The following MACROD1 variants were observed in gnomAD, a reference collection of about 807,000 sequenced individuals.
MACROD1 encodes the protein mono-ADP ribosylhydrolase 1.
In MACROD1, 31 loss-of-function variants were observed where a neutral mutation model predicts 41.4. The ratio of observed to expected loss-of-function variants is 0.75; its 90% CI spans 0.56 to 1.01. MACROD1 has a LOEUF of 1.01. Among genes scored for constraint, MACROD1 ranks in the 50% least tolerant of loss-of-function variants. The pLI is 0.00. For synonymous variants in MACROD1, 252 were observed against 203.4 expected, an observed-to-expected ratio of 1.24 and a Z score of -2.03; for missense variants, 473 against 460.0, an observed-to-expected ratio of 1.03 and a Z score of -0.26.
At chr11:64,063,872 C>G (rs1431269938) in intron 3 of MACROD1, among the ~76,000 whole-genome samples, 1 of 152,238 alleles carries the variant, frequency 6.6e-6, no homozygotes, top group Non-Finnish European at 1.5e-5. Flanking sequence ...TTCTCCCCAG[C>G]CCCAGAGAGG....
Position 64,137,340 on chromosome 11 carries a change from G to A in MACROD1, c.517+13899C>T, listed in dbSNP as rs191210978. 5.3e-4 allele frequency among the ~76,000 whole-genome samples: 80 copies of A among 152,282 alleles called. No homozygotes were observed. The East Asian group carries it at 0.014, about 26-fold the overall frequency. ...GGGCGAGCACTTTGGGATGGGCTCTGGAGCAAGGGATAAACCATCCTTGGG... is the reference window on the plus strand; with the variant it reads ...GGGCGAGCACTTTGGGATGGGCTCTAGAGCAAGGGATAAACCATCCTTGGG... On this transcript the variant is annotated intron_variant, in intron 3 of 10. Coordinates refer to ENST00000255681, the MANE Select transcript of MACROD1 (RefSeq NM_014067.4).
At chr11:64,152,235 C>T in intron 2 of MACROD1, 57 bp downstream of exon 2, 2 of 1,492,584 alleles carry the variant, frequency 1.3e-6, no homozygotes, top group Non-Finnish European at 1.9e-6. Context: ...CTGCACAATT[C>T]TCCCAAGCCA....
chr11:64,045,865 T>C (rs1193730096), intron 3 of MACROD1, among the ~76,000 whole-genome samples: 11 of 152,310 alleles, frequency 7.2e-5, no homozygotes, highest in African/African-American at 2.6e-4. Flanking sequence ...GGCAGGAGGA[T>C]GGCTTGAGGC....
chr11:64,164,904 G>A (rs1248991715), intron 1 of MACROD1, among the ~76,000 whole-genome samples: 1 of 150,542 alleles, frequency 6.6e-6, no homozygotes, highest in Non-Finnish European at 1.5e-5. Flanking sequence ...GCGGCAGCTT[G>A]GGTTCTCTCT....
intron 3 of MACROD1, among the ~76,000 whole-genome samples, chr11:64,085,865 A>G (rs1010747067): frequency 4.6e-5 from 7 of 152,212 alleles, no homozygotes; most frequent in African/African-American, 1.7e-4. Flanking sequence ...TGATGCAGAT[A>G]AAGTCCTGGG....
rs1423792786 is a variant in MACROD1 at position 64,146,526 on chromosome 11, C to T, written c.517+4713G>A. Among the ~76,000 whole-genome samples, 1 of 152,168 alleles carries T rather than the reference C, an allele frequency of 6.6e-6. No individual in the cohort carries two copies. Among genetic ancestry groups the T allele is most frequent in the Non-Finnish European group, 1.5e-5 (1 of 68,036 alleles). On this transcript the variant is annotated intron_variant, in intron 3 of 10. Coordinates refer to ENST00000255681, the MANE Select transcript of MACROD1 (RefSeq NM_014067.4). The surrounding 1 kb of genome is among the most constrained non-coding windows in gnomAD (Gnocchi z 4.7). ...CCAAGCAAGTGGCCTCAGCTGGCAG[C>T]CCACGGGGACAGGGCCCAGGGAGGC...
Position 64,064,665 on chromosome 11 carries a change from T to C in MACROD1, c.518-49384A>G, listed in dbSNP as rs1414745778. The stretch of plus-strand genomic sequence containing the variant: ...CAGAGTAGGGGCCTCTGGCAGGACA[T>C]TAAACGGCACCGAGATAGAAGGAGG... On this transcript the variant is annotated intron_variant, in intron 3 of 10. Transcript: ENST00000255681. The surrounding 1 kb of genome is among the most constrained non-coding windows in gnomAD (Gnocchi z 4.5). Among the ~76,000 whole-genome samples, 1 of 142,134 alleles carries C rather than the reference T, an allele frequency of 7.0e-6. No individual in the cohort carries two copies. The highest frequency in any genetic ancestry group is 1.5e-5 in the Non-Finnish European group (1 of 66,148). 93.2% of individuals were successfully genotyped at this position (142,134 alleles called of 152,430 possible).
chr11:64,150,531 C>T (rs564252185), intron 3 of MACROD1, among the ~76,000 whole-genome samples: 1 of 152,152 alleles, frequency 6.6e-6, no homozygotes, highest in African/African-American at 2.4e-5. Flanking sequence ...AGCAGGCGGG[C>T]GAGGGCCGGG....
At chr11:64,027,822 C>T (rs1027978945) in intron 3 of MACROD1, among the ~76,000 whole-genome samples, 1 of 152,228 alleles carries the variant, frequency 6.6e-6, no homozygotes, top group Admixed American at 6.5e-5. Flanking sequence ...TCCCCTCCCC[C>T]ACCACGGATT....
At chr11:64,149,618 C>T (rs1458165665) in intron 3 of MACROD1, among the ~76,000 whole-genome samples, 1 of 152,258 alleles carries the variant, frequency 6.6e-6, no homozygotes, top group African/African-American at 2.4e-5. Flanking sequence ...GAACCACCAA[C>T]CCAAGGGGGA....
intron 3 of MACROD1, among the ~76,000 whole-genome samples, chr11:64,063,114 C>T (rs113543401): frequency 2.6e-5 from 4 of 152,130 alleles, no homozygotes; most frequent in African/African-American, 4.8e-5. Flanking sequence ...GAGAACAACG[C>T]GGGCAGCAGA....
intron 3 of MACROD1, among the ~76,000 whole-genome samples, chr11:64,131,273 G>C (rs1452648522): frequency 6.6e-6 from 1 of 152,200 alleles, no homozygotes; most frequent in African/African-American, 2.4e-5. Flanking sequence ...GACGGGGAGG[G>C]CAGGCTTTAA....
chr11:64,164,613 T>C (rs1213866017), intron 1 of MACROD1, among the ~76,000 whole-genome samples: 3 of 152,264 alleles, frequency 2.0e-5, no homozygotes, highest in African/African-American at 2.4e-5. Flanking sequence ...TTTTAGATCC[T>C]GGCGCAGGCC....
In MACROD1 at chr11:64,028,816, C is replaced by T. The variant is rs538708157; in HGVS notation, c.518-13535G>A. ...GTAAGTGGCTTTGAGTGACTACATC[C>T]AGCCCCAGCTCTGGAGTACAGCTCT... is the stretch of plus-strand genomic sequence containing the variant. On this transcript the variant is annotated intron_variant, in intron 3 of 10. Transcript: ENST00000255681. Among the ~76,000 whole-genome samples the T allele has an allele frequency of 3.3e-3, 500 of 152,290 alleles. 6 individuals are homozygous for T. The highest frequency in any genetic ancestry group is 0.011 in the African/African-American group (472 of 41,550).
chr11:64,160,256 A>G lies in MACROD1; in HGVS notation c.298+5441T>C, dbSNP rs527391512. On this transcript the variant is annotated intron_variant, in intron 1 of 10. Transcript: ENST00000255681. The stretch of plus-strand genomic sequence containing the variant: ...ATGCTCTGAGCAATCCTAAGATTAC[A>G]ATTTGGCTTCCATGAGGCTTTCCCA... Among the ~76,000 whole-genome samples the G allele has an allele frequency of 5.3e-5, 8 of 152,256 alleles. No individual in the cohort carries two copies. The East Asian group carries it at 1.2e-3, about 22-fold the overall frequency.
At chr11:64,124,360 T>A (rs1371355029) in intron 3 of MACROD1, among the ~76,000 whole-genome samples, 2 of 152,196 alleles carry the variant, frequency 1.3e-5, no homozygotes, top group Non-Finnish European at 2.9e-5. Context: ...TGCCACTGTA[T>A]CTATCCATCC....
intron 3 of MACROD1, among the ~76,000 whole-genome samples, chr11:64,128,163 G>C (rs543225093): frequency 6.6e-6 from 1 of 152,210 alleles, no homozygotes; most frequent in African/African-American, 2.4e-5. Flanking sequence ...CAGCCCAAGA[G>C]AGACCACTCT....
chr11:64,151,146 G>A, intron 3 of MACROD1, 93 bp downstream of exon 3: 1 of 1,089,948 alleles, frequency 9.2e-7, no homozygotes, highest in East Asian at 2.4e-5. Context: ...AGCCTCACTG[G>A]AGCCAGGTGG....
At chr11:64,097,020 C>A (rs1257047903) in intron 3 of MACROD1, among the ~76,000 whole-genome samples, 1 of 152,258 alleles carries the variant, frequency 6.6e-6, no homozygotes, top group Non-Finnish European at 1.5e-5. Context: ...CAAGAGCACT[C>A]CAGGCGGATG....
Sources: allele counts gnomAD v4.1 joint callset (sites outside exome capture counted in the v4.1 genomes callset), GRCh38; gene constraint gnomAD v4.1.1; non-coding constraint Gnocchi (gnomAD v3.1); transcripts MANE v1.5; gene names NCBI Gene and HGNC (gene_info 2026-07-23, HGNC 2026-07-21).